The following SOX6 variants were observed in gnomAD, a reference collection of about 807,000 sequenced individuals.
SOX6 encodes transcription factor SOX-6.
A neutral mutation model predicts 97.8 loss-of-function variants in SOX6; 11 were observed. The ratio of observed to expected loss-of-function variants is 0.11; its 90% CI spans 0.07 to 0.19. The LOEUF is 0.19. Among genes scored for constraint, SOX6 ranks in the 10% least tolerant of loss-of-function variants. The pLI, the probability that SOX6 is intolerant of heterozygous loss-of-function variation, is 1.00. For missense variants in SOX6, 810 were observed against 1,039.5 expected (o/e 0.78, Z 3.04); for synonymous variants, 360 against 371.4 (o/e 0.97, Z 0.35).
intron 6 of SOX6, among the ~76,000 whole-genome samples, chr11:16,177,652 T>A (rs1039924042): frequency 3.4e-5 from 4 of 117,160 alleles, no homozygotes; most frequent in African/African-American, 1.3e-4. Flanking sequence ...TCTCTCTCAT[T>A]CTCTCTCTCT....
intron 3 of SOX6, among the ~76,000 whole-genome samples, chr11:16,251,979 G>T (rs928987009): frequency 2.5e-5 from 2 of 80,080 alleles, no homozygotes; most frequent in Non-Finnish European, 5.4e-5. Context: ...GTATCCATTT[G>T]TAATTTTCTT....
chr11:16,344,107 T>G (rs900731873), intron 1 of SOX6, among the ~76,000 whole-genome samples: 7 of 151,942 alleles, frequency 4.6e-5, no homozygotes, highest in African/African-American at 1.7e-4. Flanking sequence ...TTTCTTGTTT[T>G]TACTTTATTA....
intron 2 of SOX6, 123 bp downstream of exon 2, chr11:16,340,889 T>C (rs1856607873): frequency 1.5e-6 from 2 of 1,325,732 alleles, no homozygotes; most frequent in Non-Finnish European, 2.1e-6. Flanking sequence ...ATGTACCTGG[T>C]AGTTGTTTCA....
chr11:16,514,567 T>G (rs1350698326), intron 4 of SOX6, among the ~76,000 whole-genome samples: 1 of 151,972 alleles, frequency 6.6e-6, no homozygotes, highest in African/African-American at 2.4e-5. Context: ...TTATTATACT[T>G]TAAGTTTTAG....
chr11:16,333,758 A>G (rs1275442494), intron 2 of SOX6, among the ~76,000 whole-genome samples: 2 of 152,178 alleles, frequency 1.3e-5, no homozygotes, highest in Non-Finnish European at 2.9e-5. Flanking sequence ...TTAAATAATT[A>G]TCAAAAAGCT....
intron 6 of SOX6, among the ~76,000 whole-genome samples, chr11:16,154,477 A>C (rs188678881): frequency 2.8e-4 from 43 of 152,178 alleles, no homozygotes; most frequent in Admixed American, 2.2e-3. Flanking sequence ...ACCTACAGAA[A>C]TCAGCTATTG....
chr11:16,672,603 A>G (rs180866620), intron 3 of SOX6, among the ~76,000 whole-genome samples: 1 of 152,318 alleles, frequency 6.6e-6, no homozygotes, highest in African/African-American at 2.4e-5. Context: ...CATGAGACTA[A>G]GTCACTATCA....
chr11:16,011,035 A>G (rs891959853), intron 13 of SOX6, among the ~76,000 whole-genome samples: 15 of 152,084 alleles, frequency 9.9e-5, no homozygotes, highest in African/African-American at 3.6e-4. Context: ...TCATTTAGCA[A>G]AGGAACTTCA....
chr11:16,426,603 T>C (rs1859140872), intron 1 of SOX6, among the ~76,000 whole-genome samples: 1 of 152,066 alleles, frequency 6.6e-6, no homozygotes. Flanking sequence ...TGGCTAGCCA[T>C]ACGCAGAAGA....
chr11:16,248,426 A>G (rs1392049186), intron 3 of SOX6, among the ~76,000 whole-genome samples: 1 of 152,092 alleles, frequency 6.6e-6, no homozygotes, highest in Non-Finnish European at 1.5e-5. Context: ...TGACAGCTCC[A>G]CCTCTGCAGC....
At chr11:16,458,273 G>A (rs1859849089) in intron 1 of SOX6, among the ~76,000 whole-genome samples, 1 of 151,942 alleles carries the variant, frequency 6.6e-6, no homozygotes. Flanking sequence ...CTAGGGATGG[G>A]TAGACAAGGC....
chr11:16,354,630 C>G (rs986327184), intron 1 of SOX6, among the ~76,000 whole-genome samples: 11 of 151,904 alleles, frequency 7.2e-5, no homozygotes, highest in Non-Finnish European at 1.2e-4. Context: ...CTATTCAAAC[C>G]ACCTATTATT....
chr11:16,043,354 T>C (rs529629838), intron 12 of SOX6, among the ~76,000 whole-genome samples: 1 of 152,222 alleles, frequency 6.6e-6, no homozygotes, highest in South Asian at 2.1e-4. Flanking sequence ...GTTGAAACGA[T>C]GGAGCAGAAT....
intron 3 of SOX6, among the ~76,000 whole-genome samples, chr11:16,634,623 TTA>T (rs748834173): frequency 6.6e-6 from 1 of 152,238 alleles, no homozygotes; most frequent in Non-Finnish European, 1.5e-5. Context: ...TTAAGGTTTT[TTA>T]TGTTTCAGTA....
At chr11:16,403,343 G>C (rs966972905) in intron 1 of SOX6, among the ~76,000 whole-genome samples, 2 of 151,688 alleles carry the variant, frequency 1.3e-5, no homozygotes, top group African/African-American at 2.4e-5. Flanking sequence ...TTGTGGACTT[G>C]AAAAATAAAG....
intron 4 of SOX6, among the ~76,000 whole-genome samples, chr11:16,591,263 C>A (rs1056810286): frequency 3.3e-5 from 5 of 151,084 alleles, no homozygotes; most frequent in Non-Finnish European, 7.4e-5. Context: ...CATGTGATGA[C>A]AAGAAGCTGT....
rs565500156 is a variant in SOX6, at chr11:16,047,297, A to T, written c.1436-596T>A. Among the ~76,000 whole-genome samples, 155 of 152,240 alleles carry T rather than the reference A, an allele frequency of 1.0e-3. 1 individual carries two copies. The East Asian group carries it at 0.019, about 18-fold the overall frequency. ...CAGTACCCCAGTTGCTGGCTGGTTAATGAAGCATTCTTCTCATCAAGCTGC... is the reference window on the plus strand; with the variant it reads ...CAGTACCCCAGTTGCTGGCTGGTTATTGAAGCATTCTTCTCATCAAGCTGC... On this transcript the variant is annotated intron_variant, in intron 11 of 15. Coordinates refer to ENST00000683767, the MANE Select transcript of SOX6 (RefSeq NM_001367873.1).
chr11:16,681,674 C>G (rs1243164649), intron 3 of SOX6, among the ~76,000 whole-genome samples: 2 of 152,078 alleles, frequency 1.3e-5, no homozygotes, highest in Non-Finnish European at 2.9e-5. Flanking sequence ...AATCCAGGAG[C>G]TGGTTTTGTG....
chr11:16,673,632 A>C (rs1847863155), intron 3 of SOX6, among the ~76,000 whole-genome samples: 1 of 152,232 alleles, frequency 6.6e-6, no homozygotes, highest in Non-Finnish European at 1.5e-5. Context: ...AGGAAAGCCC[A>C]GAACCTGATG....
Sources: allele counts gnomAD v4.1 joint callset (sites outside exome capture counted in the v4.1 genomes callset), GRCh38; gene constraint gnomAD v4.1.1; transcripts MANE v1.5; gene names NCBI Gene and HGNC (gene_info 2026-07-23, HGNC 2026-07-21).